The following NF1 variants were observed in gnomAD, a reference collection of about 807,000 sequenced individuals.
NF1 encodes the protein neurofibromin 1.
Under a neutral mutation model 325.7 loss-of-function variants are expected in NF1, and 122 were observed. The observed-to-expected ratio is 0.37, with a 90% confidence interval of 0.32 to 0.44. NF1 has a LOEUF of 0.44. Ranked by LOEUF, NF1 falls within the 20% of genes least tolerant of loss-of-function variation. The pLI, the probability that NF1 is intolerant of heterozygous loss-of-function variation, is 1.00. For synonymous variants in NF1, 1,091 were observed against 1,186.0 expected, an observed-to-expected ratio of 0.92 and a Z score of 1.65; for missense variants, 2,140 against 3,415.4, an observed-to-expected ratio of 0.63 and a Z score of 9.31.
chr17:31,206,202 T>G (rs768161137), intron 11 of NF1, 38 bp from the exon 12 acceptor site: 1 of 1,612,294 alleles, frequency 6.2e-7, no homozygotes. Flanking sequence ...CACGTAATTT[T>G]GTACTTTTTC....
rs923575530 is a variant in NF1, at chr17:31,340,436, T to C, written c.6922-69T>C. On this transcript the variant is annotated intron_variant, in intron 46 of 57. Transcript: ENST00000358273. ...GAAGATAAGCTGCTTTATTTTTAAC[T>C]GCAGTGTGTTTTGAAAGAGACTATG... 6.6e-5 allele frequency: 105 copies of C among 1,594,234 alleles called. 1 individual carries two copies. The South Asian group carries it at 1.1e-3, about 16-fold the overall frequency.
chr17:31,248,426 G>A (rs2067437256), intron 29 of NF1, among the ~76,000 whole-genome samples: 1 of 152,144 alleles, frequency 6.6e-6, no homozygotes, highest in African/African-American at 2.4e-5. Context: ...ACATACACGT[G>A]CATGTGCAGC....
chr17:31,252,967 T>C lies in NF1; in HGVS notation c.4140T>C (p.Ala1380=). The change falls in exon 31 of 58, where the codon GCT becomes GCC. Residue 1380 remains alanine (A), a synonymous_variant. Transcript: ENST00000358273. ...CTTGCCACTCCCTACTGAATAAAGC[T>C]ACAGTAAAAGAAAAAAAGGAAAACA... ...QATCHSLLNK[A]TVKEKKENKK... is the part of the protein sequence containing the mutation. The C allele has an allele frequency of 6.2e-7, 1 of 1,613,632 alleles. No individual in the cohort carries two copies.
intron 15 of NF1, among the ~76,000 whole-genome samples, chr17:31,223,174 G>A (rs2066956522): frequency 6.6e-6 from 1 of 152,134 alleles, no homozygotes; most frequent in South Asian, 2.1e-4. Context: ...TCTACTACAA[G>A]GATGAGATAC....
chr17:31,121,752 C>CCTTG (rs915936310), intron 1 of NF1, among the ~76,000 whole-genome samples: 2 of 152,140 alleles, frequency 1.3e-5, no homozygotes, highest in Admixed American at 1.3e-4. Context: ...GTTGAGCCAG[C>CCTTG]CTTGCATCCC....
intron 36 of NF1, among the ~76,000 whole-genome samples, chr17:31,298,739 T>A (rs2068516022): frequency 6.6e-6 from 1 of 152,102 alleles, no homozygotes; most frequent in East Asian, 1.9e-4. Flanking sequence ...TAAAATAATG[T>A]GTTAAAAATA....
intron 29 of NF1, among the ~76,000 whole-genome samples, chr17:31,241,013 G>A (rs1037684029): frequency 2.6e-5 from 4 of 152,076 alleles, no homozygotes; most frequent in African/African-American, 9.7e-5. Flanking sequence ...GAGTAGCTGG[G>A]ATTACAGGTG....
chr17:31,373,929 C>A, intron 57 of NF1, 84 bp from the exon 58 acceptor site: 2 of 1,548,686 alleles, frequency 1.3e-6, no homozygotes, highest in East Asian at 2.3e-5. Context: ...GAATGTGTCC[C>A]CGTTGTTAAG....
At chr17:31,164,094 A>G (rs2065807432) in intron 4 of NF1, among the ~76,000 whole-genome samples, 1 of 152,128 alleles carries the variant, frequency 6.6e-6, no homozygotes, top group Non-Finnish European at 1.5e-5. Context: ...GCAAACTAAT[A>G]CTCAAAAAAG....
chr17:31,135,318 A>C (rs977001210), intron 1 of NF1, among the ~76,000 whole-genome samples: 7 of 152,098 alleles, frequency 4.6e-5, no homozygotes, highest in Non-Finnish European at 7.4e-5. Flanking sequence ...CTTGATCTCT[A>C]GTCCTTTTTA....
intron 20 of NF1, 54 bp from the exon 21 acceptor site, chr17:31,228,971 A>G (rs2067062864): frequency 7.2e-7 from 1 of 1,395,404 alleles, no homozygotes; most frequent in Non-Finnish European, 9.9e-7. Flanking sequence ...TAATTTGTCA[A>G]GTCTCAACTA....
chr17:31,234,744 T>C (rs1567852152), intron 27 of NF1, among the ~76,000 whole-genome samples: 1 of 149,786 alleles, frequency 6.7e-6, no homozygotes, highest in Non-Finnish European at 1.5e-5. Flanking sequence ...TTATATTAAA[T>C]GACTTTGAGA....
Position 31,356,545 on chromosome 17 carries a change from C to G in NF1, c.7701C>G (p.Pro2567=), listed in dbSNP as rs747806648. Residue 2567 remains proline (P), a synonymous_variant, in exon 52 of 58, where the codon CCC becomes CCG. Coordinates refer to ENST00000358273, the MANE Select transcript of NF1 (RefSeq NM_001042492.3). ...QEMESGITTP[P]KMRRVAETDY... ...TGGAATCAGGGATCACAACACCCCC[C>G]AAAATGAGGAGAGTAGCAGAAACTG... 1.9e-6 allele frequency: 3 copies of G among 1,613,688 alleles called. No homozygotes were observed. Among genetic ancestry groups the G allele is most frequent in the South Asian group, 1.1e-5 (1 of 91,068 alleles).
intron 5 of NF1, among the ~76,000 whole-genome samples, chr17:31,179,809 G>A (rs2066093069): frequency 6.6e-6 from 1 of 151,622 alleles, no homozygotes; most frequent in Non-Finnish European, 1.5e-5. Context: ...AATGAATCCA[G>A]GAGCTGGTTT....
intron 36 of NF1, among the ~76,000 whole-genome samples, chr17:31,311,141 T>C (rs1269127875): frequency 6.6e-6 from 1 of 152,038 alleles, no homozygotes; most frequent in African/African-American, 2.4e-5. Context: ...TTTGTAGACA[T>C]GGGGTTTCAC....
intron 5 of NF1, among the ~76,000 whole-genome samples, chr17:31,179,731 C>G (rs1457563669): frequency 6.6e-6 from 1 of 151,512 alleles, no homozygotes; most frequent in African/African-American, 2.4e-5. Flanking sequence ...TGCAGTGAGC[C>G]AGGATCGTGC....
chr17:31,210,374 G>A (rs959605081), intron 12 of NF1, among the ~76,000 whole-genome samples: 2 of 152,168 alleles, frequency 1.3e-5, no homozygotes, highest in African/African-American at 2.4e-5. Context: ...CTTGAGACCA[G>A]GAGTTTGAGA....
chr17:31,296,396 T>C (rs2068465569), intron 36 of NF1: 5 of 1,592,970 alleles, frequency 3.1e-6, no homozygotes, highest in East Asian at 4.5e-5. Context: ...GGCATCTGCA[T>C]GGGTCAGTTA....
intron 36 of NF1, among the ~76,000 whole-genome samples, chr17:31,308,671 C>A (rs2068794129): frequency 6.6e-6 from 1 of 152,078 alleles, no homozygotes; most frequent in Non-Finnish European, 1.5e-5. Context: ...CTAGCCTCTT[C>A]CCCTTTCTGG....
Sources: gnomAD v4.1 joint callset for allele counts (sites outside exome capture counted in the v4.1 genomes callset) on GRCh38, gnomAD v4.1.1 for gene constraint, MANE v1.5 for transcripts, NCBI Gene and HGNC (gene_info 2026-07-23, HGNC 2026-07-21) for gene names.